Variants in TRMT2B observed in about 807,000 individuals in gnomAD.
TRMT2B encodes tRNA methyltransferase 2B, also known as tRNA (uracil-5-)-methyltransferase homolog B.
In TRMT2B, 34 loss-of-function variants were observed where a neutral mutation model predicts 39.7. That is an observed-to-expected ratio of 0.86 (90% CI 0.65 to 1.14). The LOEUF is 1.14. Among genes scored for constraint, TRMT2B ranks in the 50% most tolerant of loss-of-function variants. TRMT2B has a pLI of 0.00. For missense variants in TRMT2B, 318 were observed against 377.2 expected (o/e 0.84, Z 1.30); for synonymous variants, 132 against 137.3 (o/e 0.96, Z 0.27).
the TRMT2B span, among the ~76,000 whole-genome samples, chrX:100,981,636 CAAAAAAAAAAA>C: frequency 2.6e-5 from 2 of 75,567 alleles, no homozygotes; most frequent in African/African-American, 1.0e-4. Flanking sequence ...AAACTCTCTA[CAAAAAAAAAAA>C]GAAAAAAAAA....
chrX:100,974,406 C>T, the TRMT2B span, among the ~76,000 whole-genome samples: 1 of 109,704 alleles, frequency 9.1e-6, no homozygotes, highest in Admixed American at 9.7e-5. Context: ...CCTCCCTTCC[C>T]CACATTACAT....
intron 8 of TRMT2B, among the ~76,000 whole-genome samples, chrX:101,022,714 T>G (rs1185040375): frequency 4.5e-5 from 5 of 111,157 alleles, no homozygotes; most frequent in African/African-American, 1.6e-4. Context: ...GGAAGATTGC[T>G]TGAGCCCAGC....
In TRMT2B at chrX:101,023,564, T is replaced by C; in HGVS notation, c.662A>G (p.His221Arg). 8.3e-7 allele frequency: 1 copy of C among 1,210,631 alleles called. No individual in the cohort carries two copies. The highest frequency in any genetic ancestry group is 1.8e-5 in the South Asian group (1 of 56,868). ...QSPLEPCLVF[H>R]EGGYWRELTV... is the part of the protein sequence containing the mutation. ...GAGCTCACGCCAGTATCCACCTTCA[T>C]GAAATACAAGGCAGGGCTCCAATGG... The change falls in exon 8 of 14, where the codon CAT (histidine) becomes CGT (arginine). Residue 221 changes from histidine (H) to arginine (R), a missense_variant. His to Arg is a conservative substitution (Grantham distance 29). Transcript: ENST00000372936.
chrX:101,018,830 A>G (rs1413843362), intron 13 of TRMT2B, 141 bp downstream of exon 13: 13 of 493,523 alleles, frequency 2.6e-5, no homozygotes, highest in Non-Finnish European at 3.6e-6. Flanking sequence ...ATTGAGTCTT[A>G]AAGGTGGTAT....
chrX:100,982,860 C>T, the TRMT2B span, among the ~76,000 whole-genome samples: 1 of 110,155 alleles, frequency 9.1e-6, no homozygotes, highest in South Asian at 4.0e-4. Flanking sequence ...CACAATCAGG[C>T]ATGGGTTTCA....
intron 7 of TRMT2B, 38 bp from the exon 8 acceptor site, chrX:101,023,654 G>A: frequency 8.6e-7 from 1 of 1,165,637 alleles, no homozygotes; most frequent in African/African-American, 1.8e-5. Flanking sequence ...AGCAAAACTA[G>A]CAAGTTTCAC....
At chrX:101,014,584 G>A (rs770723286) in intron 13 of TRMT2B, among the ~76,000 whole-genome samples, 1 of 109,807 alleles carries the variant, frequency 9.1e-6, no homozygotes, top group Non-Finnish European at 1.9e-5. Flanking sequence ...GCCCAGGCTG[G>A]AGTGAAGTTG....
chrX:101,048,151 C>CAGAG (rs769282018), intron 2 of TRMT2B, among the ~76,000 whole-genome samples: 3 of 103,228 alleles, frequency 2.9e-5, no homozygotes, highest in East Asian at 2.9e-4. Flanking sequence ...CACACACACA[C>CAGAG]AGAGAAAATT....
At chrX:100,981,218 G>A in the TRMT2B span, among the ~76,000 whole-genome samples, 3 of 111,920 alleles carry the variant, frequency 2.7e-5, no homozygotes, top group African/African-American at 9.8e-5. Flanking sequence ...AGGCCATGGT[G>A]GCAGGGCTTG....
At chrX:101,045,315 A>C (rs2088574900) in intron 2 of TRMT2B, among the ~76,000 whole-genome samples, 1 of 107,703 alleles carries the variant, frequency 9.3e-6, no homozygotes, top group Admixed American at 1.0e-4. Flanking sequence ...TTAGCCGCGC[A>C]TGGTGGCACA....
At chrX:100,990,810 A>C in the TRMT2B span, 9 of 372,922 alleles carry the variant, frequency 2.4e-5, no homozygotes, top group Admixed American at 2.5e-4. Flanking sequence ...GGCAAAAATA[A>C]ATAGAACTTC....
chrX:101,008,621 T>C (rs2086146302), downstream of TRMT2B, among the ~76,000 whole-genome samples: 1 of 111,579 alleles, frequency 9.0e-6, no homozygotes, highest in African/African-American at 3.3e-5. Context: ...AGGATCCATC[T>C]CAAAAAAATA....
chrX:100,984,263 G>A, the TRMT2B span, among the ~76,000 whole-genome samples: 2 of 109,783 alleles, frequency 1.8e-5, no homozygotes, highest in Non-Finnish European at 3.8e-5. Flanking sequence ...ACAGGCGTGT[G>A]CCACCGCACC....
chrX:101,026,475 C>A (rs865950648), intron 7 of TRMT2B, among the ~76,000 whole-genome samples: 365 of 63,453 alleles, frequency 5.8e-3, no homozygotes, highest in East Asian at 0.014. Flanking sequence ...AACTCCGTCT[C>A]AAAAAAAAAA....
chrX:101,018,658 C>CTAAAG (rs1725956207), intron 13 of TRMT2B, among the ~76,000 whole-genome samples: 1 of 110,127 alleles, frequency 9.1e-6, no homozygotes, highest in Admixed American at 9.8e-5. Context: ...TCACTGTGTT[C>CTAAAG]CCCAGGGTGG....
intron 2 of TRMT2B, among the ~76,000 whole-genome samples, chrX:101,042,527 C>A (rs2088303442): frequency 8.9e-6 from 1 of 111,840 alleles, no homozygotes; most frequent in African/African-American, 3.2e-5. Context: ...TAGTCTCTGT[C>A]CTCCAGGAAA....
the TRMT2B span, among the ~76,000 whole-genome samples, chrX:100,998,598 G>A: frequency 9.3e-6 from 1 of 107,038 alleles, no homozygotes; most frequent in East Asian, 3.0e-4. Context: ...TGCATGCTAT[G>A]TGCCAAGCAA....
At chrX:101,014,827 T>C (rs1021472501) in intron 13 of TRMT2B, among the ~76,000 whole-genome samples, 3 of 110,635 alleles carry the variant, frequency 2.7e-5, no homozygotes, top group African/African-American at 9.9e-5. Context: ...TGTGAGCCAC[T>C]GCACCCAGCC....
chrX:100,978,930 C>T, the TRMT2B span, among the ~76,000 whole-genome samples: 4 of 110,777 alleles, frequency 3.6e-5, no homozygotes, highest in Non-Finnish European at 7.6e-5. Flanking sequence ...TATTCACCCA[C>T]TGCCCCCTGG....
Sources: gnomAD v4.1 joint callset for allele counts (sites outside exome capture counted in the v4.1 genomes callset) on GRCh38, gnomAD v4.1.1 for gene constraint, MANE v1.5 for transcripts, NCBI Gene and HGNC (gene_info 2026-07-23, HGNC 2026-07-21) for gene names.